The following TRAPPC9 variants were observed in gnomAD, a reference collection of about 807,000 sequenced individuals.
The protein encoded by TRAPPC9 is IKK2 binding protein.
In TRAPPC9, 83 loss-of-function variants were observed where a neutral mutation model predicts 124.0. The observed-to-expected ratio is 0.67, with a 90% CI of 0.56 to 0.80. The LOEUF is 0.80. TRAPPC9 is among the 30% of genes least tolerant of loss of function. The pLI is 0.00. For missense variants in TRAPPC9, 1,302 were observed against 1,508.3 expected (o/e 0.86, Z 2.27); for synonymous variants, 638 against 617.5 (o/e 1.03, Z -0.49).
intron 18 of TRAPPC9, among the ~76,000 whole-genome samples, chr8:140,015,181 T>C (rs1192657904): frequency 6.7e-6 from 1 of 149,222 alleles, no homozygotes; most frequent in Non-Finnish European, 1.5e-5. Context: ...CTGGCATGTA[T>C]GTGGCCATCT....
chr8:140,239,266 G>A (rs972289302), intron 16 of TRAPPC9, among the ~76,000 whole-genome samples: 2 of 152,178 alleles, frequency 1.3e-5, no homozygotes, highest in Non-Finnish European at 2.9e-5. Context: ...GTGGAGGGGC[G>A]CTGAGCTGCA....
At chr8:139,925,712 C>T (rs1331463291) in intron 19 of TRAPPC9, among the ~76,000 whole-genome samples, 1 of 149,776 alleles carries the variant, frequency 6.7e-6, no homozygotes, top group African/African-American at 2.5e-5. Flanking sequence ...CACGTCACTG[C>T]ACTTGAGCCT....
At chr8:140,343,793 GA>G (rs1432407698) in intron 9 of TRAPPC9, among the ~76,000 whole-genome samples, 1 of 152,112 alleles carries the variant, frequency 6.6e-6, no homozygotes, top group Non-Finnish European at 1.5e-5. Context: ...TGGGGCCCTG[GA>G]ACTGGCATTG....
In TRAPPC9 at chr8:140,067,911, T is replaced by C. The variant is rs564660692; in HGVS notation, c.2557-43832A>G. Among the ~76,000 whole-genome samples the C allele has an allele frequency of 3.9e-5, 6 of 152,326 alleles. No homozygotes were observed. In the East Asian group the frequency reaches 5.8e-4, roughly 15 times the overall value. On this transcript the variant is annotated intron_variant, in intron 17 of 22. Coordinates refer to ENST00000438773, the MANE Select transcript of TRAPPC9 (RefSeq NM_001160372.4). ...GAAAGAAGAACTGAGGCACGCATCA[T>C]GTCACCAGTGGAAGCACCTGGCCCA...
At chr8:140,013,642 C>T (rs1296816633) in intron 18 of TRAPPC9, among the ~76,000 whole-genome samples, 4 of 152,172 alleles carry the variant, frequency 2.6e-5, no homozygotes, top group African/African-American at 9.7e-5. Flanking sequence ...AGTGCTGGAG[C>T]CAGCTGCTGC....
intron 15 of TRAPPC9, among the ~76,000 whole-genome samples, chr8:140,264,037 C>G (rs962413205): frequency 6.6e-6 from 1 of 152,152 alleles, no homozygotes; most frequent in Non-Finnish European, 1.5e-5. Context: ...CACTTTTCTC[C>G]GAGACTGATT....
intron 21 of TRAPPC9, among the ~76,000 whole-genome samples, chr8:139,748,525 G>C (rs1043085235): frequency 6.6e-6 from 1 of 151,806 alleles, no homozygotes; most frequent in African/African-American, 2.4e-5. Context: ...GAGTGGGTGT[G>C]AGGGTGTGCA....
chr8:140,228,041 C>T (rs1292354783), intron 16 of TRAPPC9, among the ~76,000 whole-genome samples: 2 of 152,236 alleles, frequency 1.3e-5, no homozygotes, highest in African/African-American at 4.8e-5. Flanking sequence ...GTACACCATG[C>T]GTTCCACTAA....
At chr8:139,839,267 A>C (rs1826569288) in intron 21 of TRAPPC9, among the ~76,000 whole-genome samples, 1 of 152,200 alleles carries the variant, frequency 6.6e-6, no homozygotes, top group Non-Finnish European at 1.5e-5. Context: ...TTCTCAGGGG[A>C]TGTGAGCATC....
intron 19 of TRAPPC9, among the ~76,000 whole-genome samples, chr8:139,929,001 C>T (rs970157419): frequency 3.9e-5 from 6 of 152,012 alleles, no homozygotes; most frequent in Non-Finnish European, 7.4e-5. Context: ...TGCGTGGGCG[C>T]GGGAGGGTGC....
chr8:140,422,429 A>G (rs932780854), intron 5 of TRAPPC9, among the ~76,000 whole-genome samples: 2 of 152,212 alleles, frequency 1.3e-5, no homozygotes, highest in Non-Finnish European at 2.9e-5. Context: ...TGCGAATCAT[A>G]TATCAAAGGA....
At chr8:139,877,492 C>T (rs542761331) in intron 21 of TRAPPC9, among the ~76,000 whole-genome samples, 14 of 152,304 alleles carry the variant, frequency 9.2e-5, no homozygotes, top group Admixed American at 2.0e-4. Context: ...AGCTCCAGCC[C>T]GATGTGCAGA....
At chr8:139,870,447 G>A (rs574340190) in intron 21 of TRAPPC9, among the ~76,000 whole-genome samples, 1 of 152,296 alleles carries the variant, frequency 6.6e-6, no homozygotes, top group African/African-American at 2.4e-5. Flanking sequence ...ACTCACTCTG[G>A]TGAGGAATGA....
intron 17 of TRAPPC9, among the ~76,000 whole-genome samples, chr8:140,067,705 A>G (rs1320711040): frequency 6.6e-6 from 1 of 152,206 alleles, no homozygotes; most frequent in Admixed American, 6.5e-5. Context: ...ATATAAACAC[A>G]GTAAAGGGGG....
chr8:140,198,864 A>T (rs1472779642), intron 17 of TRAPPC9, among the ~76,000 whole-genome samples: 1 of 152,162 alleles, frequency 6.6e-6, no homozygotes. Flanking sequence ...AGCACCAAGG[A>T]CGTTCTTGTA....
chr8:139,840,387 G>T (rs1192593377), intron 21 of TRAPPC9, among the ~76,000 whole-genome samples: 2 of 152,222 alleles, frequency 1.3e-5, no homozygotes, highest in Non-Finnish European at 2.9e-5. Context: ...AGTGATCCTG[G>T]ATTCGGGGAA....
At chr8:140,428,765 A>C (rs1456211325) in intron 4 of TRAPPC9, among the ~76,000 whole-genome samples, 1 of 152,186 alleles carries the variant, frequency 6.6e-6, no homozygotes, top group Admixed American at 6.5e-5. Flanking sequence ...TCATCTAGAA[A>C]ACTCCACTTT....
At chr8:140,414,800 G>A (rs1482372978) in intron 5 of TRAPPC9, among the ~76,000 whole-genome samples, 1 of 151,922 alleles carries the variant, frequency 6.6e-6, no homozygotes, top group African/African-American at 2.4e-5. Context: ...GGAGTGCAGT[G>A]GTGCGATCTT....
intron 21 of TRAPPC9, among the ~76,000 whole-genome samples, chr8:139,762,112 G>T (rs889158545): frequency 6.6e-6 from 1 of 151,672 alleles, no homozygotes; most frequent in African/African-American, 2.4e-5. Context: ...CCTGCAGCCC[G>T]AGTGAGGGCC....
Sources: allele counts gnomAD v4.1 joint callset (sites outside exome capture counted in the v4.1 genomes callset), GRCh38; gene constraint gnomAD v4.1.1; transcripts MANE v1.5; gene names NCBI Gene and HGNC (gene_info 2026-07-23, HGNC 2026-07-21).